The following DAB1 variants were observed in gnomAD, a reference collection of about 807,000 sequenced individuals.
DAB1 encodes DAB adaptor protein 1.
A neutral mutation model predicts 64.6 loss-of-function variants in DAB1; 15 were observed. The ratio of observed to expected loss-of-function variants is 0.23; its 90% CI spans 0.16 to 0.36. DAB1 has a LOEUF of 0.36. Ranked by LOEUF, DAB1 falls within the 10% of genes least tolerant of loss-of-function variation. The pLI, the probability that DAB1 is intolerant of heterozygous loss-of-function variation, is 1.00. For synonymous variants in DAB1, 235 were observed against 251.9 expected, an observed-to-expected ratio of 0.93 and a Z score of 0.64; for missense variants, 596 against 706.7, an observed-to-expected ratio of 0.84 and a Z score of 1.78.
At chr1:58,310,352 A>G (rs57100268) in intron 4 of DAB1, among the ~76,000 whole-genome samples, 3,166 of 152,300 alleles carry the variant, frequency 0.021, 105 homozygotes, top group African/African-American at 0.072. Flanking sequence ...CTGAAATGTA[A>G]TGGAAGACAT....
chr1:57,787,881 T>C (rs1276590241), intron 6 of DAB1, among the ~76,000 whole-genome samples: 1 of 151,950 alleles, frequency 6.6e-6, no homozygotes, highest in African/African-American at 2.4e-5. Flanking sequence ...CAGAAAAAGA[T>C]GAGAATACCA....
intron 5 of DAB1, 23 bp from the exon 6 acceptor site, chr1:57,071,664 A>C (rs766514617): frequency 6.2e-7 from 1 of 1,610,312 alleles, no homozygotes; most frequent in Non-Finnish European, 8.5e-7. Flanking sequence ...GTAGTAAGGC[A>C]CATCATAAGG....
intron 6 of DAB1, among the ~76,000 whole-genome samples, chr1:57,687,617 AAAG>A (rs1646716351): frequency 6.7e-6 from 1 of 149,340 alleles, no homozygotes; most frequent in African/African-American, 2.4e-5. Context: ...AAAAAAAAAA[AAAG>A]AAAAAAAGAA....
rs74507668 is a variant in DAB1, at chr1:58,227,332, G to C, written n.310-76744C>G. On this transcript the variant is annotated intron_variant and non_coding_transcript_variant, in intron 4 of 20. Transcript: ENST00000485760. ...GATTTGTCTGGAGAGGCTGAATGGA[G>C]GAAGCAAAACTCCAGTGGGCATTGA... 2.0e-5 allele frequency among the ~76,000 whole-genome samples: 3 copies of C among 152,270 alleles called. No homozygotes were observed. In the East Asian group the frequency reaches 5.8e-4, roughly 29 times the overall value.
At chr1:57,199,417 G>C (rs980311920) in intron 2 of DAB1, among the ~76,000 whole-genome samples, 1 of 152,234 alleles carries the variant, frequency 6.6e-6, no homozygotes, top group Admixed American at 6.5e-5. Flanking sequence ...GAGAGAAGCA[G>C]TGTTTTGTCA....
chr1:57,284,584 A>G (rs887192857), intron 2 of DAB1, among the ~76,000 whole-genome samples: 1 of 152,204 alleles, frequency 6.6e-6, no homozygotes, highest in Non-Finnish European at 1.5e-5. Flanking sequence ...CCAAATACCC[A>G]GTATCTTGAT....
upstream of DAB1, among the ~76,000 whole-genome samples, chr1:57,425,134 CAGG>C (rs1311707850): frequency 2.0e-5 from 3 of 152,144 alleles, no homozygotes; most frequent in South Asian, 2.1e-4. Flanking sequence ...GCCTGAAATG[CAGG>C]AGAAGAGAGG....
chr1:57,840,721 T>A (rs569902181), intron 1 of DAB1, among the ~76,000 whole-genome samples: 1 of 152,170 alleles, frequency 6.6e-6, no homozygotes, highest in Non-Finnish European at 1.5e-5. Context: ...TCAGATCTCA[T>A]GAGAACTCAC....
At chr1:57,574,415 T>C (rs533822847) in intron 7 of DAB1, among the ~76,000 whole-genome samples, 7 of 152,220 alleles carry the variant, frequency 4.6e-5, no homozygotes, top group Non-Finnish European at 7.3e-5. Context: ...ATTTCCACTT[T>C]GTGCCAAGAA....
chr1:58,459,132 G>A (rs935246898), intron 3 of DAB1, among the ~76,000 whole-genome samples: 3 of 152,212 alleles, frequency 2.0e-5, no homozygotes, highest in African/African-American at 7.2e-5. Flanking sequence ...CTTTGGAAAA[G>A]TTAAGAAGAC....
chr1:57,890,783 C>T (rs1388949401), intron 5 of DAB1, among the ~76,000 whole-genome samples: 1 of 152,148 alleles, frequency 6.6e-6, no homozygotes, highest in Non-Finnish European at 1.5e-5. Context: ...TCTCCATCAC[C>T]ATGCAAAGAC....
chr1:58,458,584 A>C (rs1645213068), intron 3 of DAB1, among the ~76,000 whole-genome samples: 2 of 152,312 alleles, frequency 1.3e-5, no homozygotes, highest in South Asian at 4.1e-4. Context: ...CGGGTGGATC[A>C]CTTGTGCTTA....
At chr1:57,398,051 A>C (rs1007450139) in intron 1 of DAB1, among the ~76,000 whole-genome samples, 13 of 152,242 alleles carry the variant, frequency 8.5e-5, no homozygotes, top group Admixed American at 2.0e-4. Context: ...AATTGTTAAC[A>C]ACAAAAATGA....
intron 7 of DAB1, among the ~76,000 whole-genome samples, chr1:57,522,049 G>A (rs1644533232): frequency 6.6e-6 from 1 of 152,122 alleles, no homozygotes; most frequent in Non-Finnish European, 1.5e-5. Context: ...GGTGGAGGTT[G>A]CAGTGAGCTG....
chr1:57,742,163 A>C (rs868103793), intron 6 of DAB1, among the ~76,000 whole-genome samples: 5 of 152,166 alleles, frequency 3.3e-5, no homozygotes, highest in Admixed American at 2.6e-4. Context: ...TGGGCTCCTC[A>C]GCCCACTAAT....
In DAB1 at chr1:57,883,265, G is replaced by A. The variant is rs188546559; in HGVS notation, n.87+734C>T. The stretch of plus-strand genomic sequence containing the variant: ...TGGGGCAAAGGTGTAATTCAATTAC[G>A]TGACTTAATCAATTCAAATGGCTAA... On this transcript the variant is annotated intron_variant and non_coding_transcript_variant, in intron 1 of 1. Transcript: ENST00000477280. Among the ~76,000 whole-genome samples, 7 of 152,254 alleles carry A rather than the reference G, an allele frequency of 4.6e-5. No individual in the cohort carries two copies. The East Asian group carries it at 7.7e-4, about 17-fold the overall frequency.
At chr1:57,633,345 G>A (rs895115876) in intron 7 of DAB1, among the ~76,000 whole-genome samples, 2 of 152,246 alleles carry the variant, frequency 1.3e-5, no homozygotes, top group Non-Finnish European at 2.9e-5. Flanking sequence ...TTCTGATTAA[G>A]TGGCTTCGGG....
chr1:58,541,108 G>A (rs865847510), intron 1 of DAB1, among the ~76,000 whole-genome samples: 3 of 4,412 alleles, frequency 6.8e-4, no homozygotes, highest in East Asian at 0.023. Flanking sequence ...TCAGGCATTC[G>A]AGGCGTGAAA....
intron 2 of DAB1, among the ~76,000 whole-genome samples, chr1:58,515,393 C>A (rs922274566): frequency 5.3e-5 from 8 of 152,072 alleles, no homozygotes; most frequent in Non-Finnish European, 1.0e-4. Flanking sequence ...TGATTGCCAG[C>A]AGGTCATTTC....
Sources: allele counts gnomAD v4.1 joint callset (sites outside exome capture counted in the v4.1 genomes callset), GRCh38; gene constraint gnomAD v4.1.1; transcripts MANE v1.5; gene names NCBI Gene and HGNC (gene_info 2026-07-23, HGNC 2026-07-21).